The following TXNDC11 variants were observed in gnomAD, a reference collection of about 807,000 sequenced individuals.
TXNDC11 encodes the protein thioredoxin domain-containing protein 11.
In TXNDC11, 68 loss-of-function variants were observed where a neutral mutation model predicts 78.0. That is an observed-to-expected ratio of 0.87 (90% CI 0.72 to 1.07). The LOEUF (loss-of-function observed/expected upper bound fraction) is 1.07, where lower values mean the gene tolerates loss of function less well. Among genes scored for constraint, TXNDC11 ranks in the 50% least tolerant of loss-of-function variants. The pLI, the probability that TXNDC11 is intolerant of heterozygous loss-of-function variation, is 0.00. For missense variants in TXNDC11, 1,389 were observed against 1,221.8 expected (o/e 1.14, Z -2.04); for synonymous variants, 571 against 495.2 (o/e 1.15, Z -2.03).
At position 11,725,961 on chromosome 16, in the gene TXNDC11, A is replaced by G. The variant is rs2051864567; in HGVS notation, c.700-4291T>C. Among the ~76,000 whole-genome samples the G allele has an allele frequency of 2.0e-5, 3 of 152,092 alleles. No individual in the cohort carries two copies. In the South Asian group the frequency reaches 6.2e-4, roughly 31 times the overall value. On this transcript the variant is annotated intron_variant, in intron 4 of 11. Transcript: ENST00000283033. Reference sequence around the variant, plus strand: ...TGCCATCATAGCTCACTGTAACGCCAAACTCCTGGACTCAAGCAATCCTTC... The same window carrying G: ...TGCCATCATAGCTCACTGTAACGCCGAACTCCTGGACTCAAGCAATCCTTC...
chr16:11,715,509 T>C (rs1193499092), intron 5 of TXNDC11, among the ~76,000 whole-genome samples: 5 of 149,862 alleles, frequency 3.3e-5, no homozygotes, highest in Admixed American at 1.3e-4. Context: ...ATTCCTACAC[T>C]ATGGTCTATT....
intron 3 of TXNDC11, among the ~76,000 whole-genome samples, chr16:11,731,760 T>A (rs1214331642): frequency 2.0e-5 from 3 of 152,002 alleles, no homozygotes; most frequent in Non-Finnish European, 4.4e-5. Flanking sequence ...TGCAGAATGA[T>A]GTTAAAGGAA....
At chr16:11,704,882 T>C (rs1048705655) in intron 5 of TXNDC11, among the ~76,000 whole-genome samples, 1 of 151,404 alleles carries the variant, frequency 6.6e-6, no homozygotes, top group African/African-American at 2.4e-5. Context: ...GTTTAGTGAA[T>C]AGGACCGAAC....
In TXNDC11 at chr16:11,736,003, A is replaced by G; in HGVS notation, c.471+14T>C. 3 of 1,612,566 alleles carry G rather than the reference A, an allele frequency of 1.9e-6. No homozygotes were observed. Among genetic ancestry groups the G allele is most frequent in the Non-Finnish European group, 2.5e-6 (3 of 1,179,488 alleles). On this transcript the variant is annotated intron_variant, in intron 2 of 11. Coordinates refer to ENST00000283033, the MANE Select transcript of TXNDC11 (RefSeq NM_015914.7). ...TGACAGTCATTTGATTCTTAAGCTG[A>G]ATGTGAGCATTACCTGATCTGAAAG...
intron 2 of TXNDC11, among the ~76,000 whole-genome samples, chr16:11,734,601 A>G (rs1023854027): frequency 1.3e-5 from 2 of 152,198 alleles, no homozygotes; most frequent in African/African-American, 4.8e-5. Flanking sequence ...TATCATTATT[A>G]TTATACTAAT....
At chr16:11,688,510 T>C (rs958840455) in intron 8 of TXNDC11, 65 bp from the exon 9 acceptor site, 2 of 1,340,722 alleles carry the variant, frequency 1.5e-6, no homozygotes, top group African/African-American at 1.5e-5. Flanking sequence ...TGGCCTACTT[T>C]TAAACTCCAC....
chr16:11,679,102 A>C lies in TXNDC11; in HGVS notation c.*93T>G. 2 of 1,352,684 alleles carry C rather than the reference A, an allele frequency of 1.5e-6. No homozygotes were observed. Among genetic ancestry groups the C allele is most frequent in the South Asian group, 2.8e-5 (2 of 71,640 alleles). 83.8% of individuals were successfully genotyped at this position (1,352,684 alleles called of 1,614,324 possible). ...AGCTGATTTTCTAGACCACTGAGAAAATCTTTATTTACAATAAATTTCAAT... is the reference window on the plus strand; with the variant it reads ...AGCTGATTTTCTAGACCACTGAGAACATCTTTATTTACAATAAATTTCAAT... On this transcript the variant is annotated 3_prime_UTR_variant, in exon 12 of 12. Transcript: ENST00000283033. The surrounding 1 kb of genome is among the most constrained non-coding windows in gnomAD (Gnocchi z 4.6).
chr16:11,709,517 C>T (rs1041873034), intron 5 of TXNDC11, among the ~76,000 whole-genome samples: 8 of 146,860 alleles, frequency 5.4e-5, no homozygotes, highest in Non-Finnish European at 7.4e-5. Flanking sequence ...TCACTGCAAG[C>T]TCCGCCTCCC....
intron 11 of TXNDC11, among the ~76,000 whole-genome samples, chr16:11,680,354 C>T (rs972772716): frequency 2.0e-5 from 3 of 152,228 alleles, no homozygotes; most frequent in African/African-American, 7.2e-5. Flanking sequence ...GGGTTCTCAA[C>T]TGGGGGTGAC....
intron 4 of TXNDC11, among the ~76,000 whole-genome samples, chr16:11,730,204 T>TA (rs1254614956): frequency 6.6e-6 from 1 of 152,188 alleles, no homozygotes; most frequent in Non-Finnish European, 1.5e-5. Context: ...TTCAAATAGT[T>TA]ATATACTTCA....
At chr16:11,708,793 A>C (rs2051255159) in intron 5 of TXNDC11, among the ~76,000 whole-genome samples, 1 of 152,244 alleles carries the variant, frequency 6.6e-6, no homozygotes, top group Non-Finnish European at 1.5e-5. Flanking sequence ...CCTGTATCAT[A>C]GTACCTTCCA....
In TXNDC11 at chr16:11,742,797, C is replaced by A; in HGVS notation, c.-67G>T. On this transcript the variant is annotated 5_prime_UTR_variant, in exon 1 of 12. Coordinates refer to ENST00000283033, the MANE Select transcript of TXNDC11 (RefSeq NM_015914.7). ...TCGGGCCCGAAGGCCCGGCCCGGCCCGTTGCTCCCCAATCCCGCAGCTCGC... is the reference window on the plus strand; with the variant it reads ...TCGGGCCCGAAGGCCCGGCCCGGCCAGTTGCTCCCCAATCCCGCAGCTCGC... The A allele has an allele frequency of 7.2e-7, 1 of 1,391,380 alleles. No individual in the cohort carries two copies. The allele number at this position is 1,391,380 out of a possible 1,614,324, so 86.2% of individuals were successfully genotyped here. A position where few individuals can be genotyped will look rare whatever the true frequency, so the allele number is the denominator to read the frequency against.
chr16:11,691,897 C>G lies in TXNDC11; in HGVS notation c.1293G>C (p.Gln431His). The G allele has an allele frequency of 6.2e-7, 1 of 1,614,170 alleles. No homozygotes were observed. Among genetic ancestry groups the G allele is most frequent in the Non-Finnish European group, 8.5e-7 (1 of 1,179,976 alleles). Residue 431 changes from glutamine to histidine, a missense_variant, in exon 8 of 12, where the codon CAG (glutamine) becomes CAC (histidine). Transcript: ENST00000283033. The stretch of plus-strand genomic sequence containing the variant: ...TGTGGGTCCTGGAGAAGGAGTGCCA[C>G]TGGGGCAGCACCACAGTGTTGCAGC... ...SPCCNTVVLPQWHSFSRTHNV... is the reference protein window; with the variant it reads ...SPCCNTVVLPHWHSFSRTHNV...
chr16:11,727,065 A>G (rs932627053), intron 4 of TXNDC11, among the ~76,000 whole-genome samples: 1 of 152,234 alleles, frequency 6.6e-6, no homozygotes, highest in Non-Finnish European at 1.5e-5. Flanking sequence ...AAACAAGTTT[A>G]TGTCAATAGA....
rs74530260 is a variant in TXNDC11, at chr16:11,711,035, G to A, written c.794-10471C>T. On this transcript the variant is annotated intron_variant, in intron 5 of 11. Coordinates refer to ENST00000283033, the MANE Select transcript of TXNDC11 (RefSeq NM_015914.7). The stretch of plus-strand genomic sequence containing the variant: ...TCACAGGACGTCCAGTGTGCCGGAC[G>A]TCATGCTAGATAGTCAAGAGTTATT... Among the ~76,000 whole-genome samples the A allele has an allele frequency of 7.8e-3, 1,188 of 152,122 alleles. 9 individuals carry two copies. The highest frequency in any genetic ancestry group is 0.013 in the Non-Finnish European group (884 of 67,996).
intron 5 of TXNDC11, among the ~76,000 whole-genome samples, chr16:11,708,597 T>C (rs550981558): frequency 1.8e-4 from 27 of 152,298 alleles, no homozygotes; most frequent in East Asian, 3.9e-4. Flanking sequence ...TGGAACAAAA[T>C]GGAATATCGG....
At chr16:11,742,376 C>T (rs1045644415) in intron 1 of TXNDC11, 101 bp downstream of exon 1, 42 of 1,014,242 alleles carry the variant, frequency 4.1e-5, no homozygotes, top group Non-Finnish European at 4.8e-5. Context: ...AGGTCAGGCC[C>T]GACTTCCCCG....
At chr16:11,741,199 C>G (rs2052380711) in intron 1 of TXNDC11, among the ~76,000 whole-genome samples, 1 of 152,178 alleles carries the variant, frequency 6.6e-6, no homozygotes. Flanking sequence ...TCTTTTGACA[C>G]CTCTTTGACA....
intron 4 of TXNDC11, among the ~76,000 whole-genome samples, chr16:11,725,462 G>C (rs1004688903): frequency 9.2e-5 from 14 of 152,122 alleles, no homozygotes; most frequent in African/African-American, 2.7e-4. Context: ...AATATTTGAA[G>C]TTGTAACCCC....
Sources: gnomAD v4.1 joint callset for allele counts (sites outside exome capture counted in the v4.1 genomes callset) on GRCh38, gnomAD v4.1.1 for gene constraint, Gnocchi (gnomAD v3.1) non-coding constraint, MANE v1.5 for transcripts, NCBI Gene and HGNC (gene_info 2026-07-23, HGNC 2026-07-21) for gene names.